The following SNAPC3 variants were observed in gnomAD, a reference collection of about 807,000 sequenced individuals.
SNAPC3 encodes small nuclear RNA activating complex polypeptide 3, also known as snRNA-activating protein complex subunit 3.
In SNAPC3, 56 loss-of-function variants were observed where a neutral mutation model predicts 47.7. The observed-to-expected ratio is 1.18, with a 90% CI of 0.95 to 1.47. SNAPC3 has a LOEUF of 1.47. Among genes scored for constraint, SNAPC3 ranks in the 40% most tolerant of loss-of-function variants. The probability of loss-of-function intolerance (pLI) is 0.00; values close to 1 mark genes in which losing one functional copy is unlikely to be tolerated. For missense variants in SNAPC3, 665 were observed against 511.3 expected, an observed-to-expected ratio of 1.30 and a Z score of -2.90; for synonymous variants, 235 against 189.9, an observed-to-expected ratio of 1.24 and a Z score of -1.95.
rs996164564 is a variant in SNAPC3 at position 15,428,534 on chromosome 9, A to G, written c.392+4548A>G. ...AAAAAAAAAAAAAAAGAGAAAGCCT[A>G]TAAGTCTGTACTCCAAACAGAATTG... On this transcript the variant is annotated intron_variant, in intron 2 of 8. Coordinates refer to ENST00000380821, the MANE Select transcript of SNAPC3 (RefSeq NM_001039697.2). Among the ~76,000 whole-genome samples the G allele has an allele frequency of 1.3e-4, 20 of 151,802 alleles. 1 individual carries two copies. Among genetic ancestry groups the G allele is most frequent in the Middle Eastern group, 3.4e-3 (1 of 294 alleles).
chr9:15,446,285 T>G (rs999349402), intron 4 of SNAPC3, among the ~76,000 whole-genome samples: 2 of 152,172 alleles, frequency 1.3e-5, no homozygotes, highest in African/African-American at 2.4e-5. Flanking sequence ...AGTACAATCA[T>G]GGCTCACTGC....
At chr9:15,453,357 T>A in intron 7 of SNAPC3, 152 bp downstream of exon 7, 1 of 545,398 alleles carries the variant, frequency 1.8e-6, no homozygotes, top group East Asian at 3.0e-5. Context: ...CTTCTTTCCA[T>A]GCAAATACCA....
chr9:15,436,775 A>G (rs1359541639), intron 3 of SNAPC3, among the ~76,000 whole-genome samples: 1 of 151,696 alleles, frequency 6.6e-6, no homozygotes, highest in African/African-American at 2.4e-5. Flanking sequence ...CAATCCATGA[A>G]TGAGATTTCT....
At chr9:15,452,977 CTG>C in intron 6 of SNAPC3, 62 bp from the exon 7 acceptor site, 3 of 1,353,154 alleles carry the variant, frequency 2.2e-6, no homozygotes, top group Non-Finnish European at 2.0e-6. Flanking sequence ...CAATCACAAA[CTG>C]TTTTCTGTAG....
chr9:15,461,713 G>A (rs1237458193), downstream of SNAPC3: 3 of 152,126 alleles, frequency 2.0e-5, no homozygotes, highest in African/African-American at 7.2e-5. Flanking sequence ...AAACCTATAA[G>A]CCTATGTGTT....
At chr9:15,424,105 G>A (rs139932752) in intron 2 of SNAPC3, 119 bp downstream of exon 2, 134 of 492,548 alleles carry the variant, frequency 2.7e-4, no homozygotes, top group African/African-American at 2.4e-3. Flanking sequence ...AAATTCAGCT[G>A]TTCTTAATAT....
intron 2 of SNAPC3, among the ~76,000 whole-genome samples, chr9:15,426,605 A>G (rs1308397321): frequency 1.3e-5 from 2 of 152,208 alleles, no homozygotes; most frequent in African/African-American, 4.8e-5. Flanking sequence ...TGAAAAAAGA[A>G]CGTTGATGAT....
intron 7 of SNAPC3, among the ~76,000 whole-genome samples, chr9:15,455,791 T>C (rs2034739400): frequency 6.6e-6 from 1 of 151,558 alleles, no homozygotes. Flanking sequence ...CTCTGTCTCC[T>C]AGGTTGAAGC....
downstream of SNAPC3, chr9:15,465,835 C>G (rs1480283597): frequency 5.3e-6 from 2 of 379,888 alleles, no homozygotes; most frequent in Non-Finnish European, 9.3e-6. Flanking sequence ...TGTCATGGAC[C>G]AAGCCCTTTC....
downstream of SNAPC3, chr9:15,466,716 A>T: frequency 6.6e-7 from 1 of 1,515,374 alleles, no homozygotes; most frequent in Non-Finnish European, 9.0e-7. Flanking sequence ...ATAATAAAAA[A>T]CACACAAGAC....
rs1346637304 is a variant in SNAPC3 at position 15,422,979 on chromosome 9, C to T, written c.100C>T (p.Leu34Phe). 1.3e-6 allele frequency: 2 copies of T among 1,542,356 alleles called. No individual in the cohort carries two copies. The highest frequency in any genetic ancestry group is 8.7e-7 in the Non-Finnish European group (1 of 1,151,616). The change falls in exon 1 of 9, where the codon CTT (leucine) becomes TTT (phenylalanine). Residue 34 changes from leucine to phenylalanine, a missense_variant. Physicochemically the swap from Leu to Phe is conservative, Grantham distance 22 (BLOSUM62 0). Transcript: ENST00000380821. The part of the protein sequence containing the change: ...SGGCNFPEYE[L>F]PELNTRAFHV... Reference sequence around the variant, plus strand: ...CGGCTGCAACTTTCCAGAGTATGAGCTTCCCGAGCTAAATACGCGCGCTTT... The same window carrying T: ...CGGCTGCAACTTTCCAGAGTATGAGTTTCCCGAGCTAAATACGCGCGCTTT...
chr9:15,445,074 A>ACTC (rs2033819976), intron 4 of SNAPC3, among the ~76,000 whole-genome samples: 2 of 152,204 alleles, frequency 1.3e-5, no homozygotes, highest in African/African-American at 4.8e-5. Context: ...AGCCTAGGAG[A>ACTC]CAGCGTGAGA....
rs1389356135 is a variant in SNAPC3 at position 15,422,968 on chromosome 9, C to T, written c.89C>T (p.Pro30Leu). 1 of 1,542,948 alleles carries T rather than the reference C, an allele frequency of 6.5e-7. No homozygotes were observed. Among genetic ancestry groups the T allele is most frequent in the Non-Finnish European group, 8.7e-7 (1 of 1,150,418 alleles). ...TCCGGCAGTGGCGGCTGCAACTTTCCAGAGTATGAGCTTCCCGAGCTAAAT... is the reference window on the plus strand; with the variant it reads ...TCCGGCAGTGGCGGCTGCAACTTTCTAGAGTATGAGCTTCCCGAGCTAAAT... ...PVSGSGGCNF[P>L]EYELPELNTR... Residue 30 changes from proline (P) to leucine (L), a missense_variant, in exon 1 of 9, where the codon CCA becomes CTA. Transcript: ENST00000380821.
downstream of SNAPC3, chr9:15,464,630 A>G (rs951347663): frequency 5.0e-6 from 1 of 198,202 alleles, no homozygotes; most frequent in East Asian, 7.9e-5. Context: ...TATAAGCATC[A>G]TGATTTTTTC....
At chr9:15,466,133 A>G (rs1243228263), downstream of SNAPC3, among the ~76,000 whole-genome samples, 1 of 150,902 alleles carries the variant, frequency 6.6e-6, no homozygotes, top group African/African-American at 2.5e-5. Context: ...TAATCCCAAC[A>G]CTGGGAAGCC....
At chr9:15,449,572 T>TTC (rs2034235743) in intron 5 of SNAPC3, among the ~76,000 whole-genome samples, 1 of 129,906 alleles carries the variant, frequency 7.7e-6, no homozygotes, top group South Asian at 2.7e-4. Flanking sequence ...TATTTTTTTT[T>TTC]TTTTTTTTTT....
At chr9:15,453,819 C>G (rs971844744) in intron 7 of SNAPC3, among the ~76,000 whole-genome samples, 1 of 152,172 alleles carries the variant, frequency 6.6e-6, no homozygotes, top group Non-Finnish European at 1.5e-5. Flanking sequence ...TGCTCCATTG[C>G]TGGTTTGATT....
At chr9:15,424,799 G>T (rs1207877986) in intron 2 of SNAPC3, among the ~76,000 whole-genome samples, 1 of 152,128 alleles carries the variant, frequency 6.6e-6, no homozygotes, top group Non-Finnish European at 1.5e-5. Flanking sequence ...ATGTTCTGTC[G>T]TTCTTGATCC....
intron 2 of SNAPC3, among the ~76,000 whole-genome samples, chr9:15,432,529 A>G (rs2032296042): frequency 6.6e-6 from 1 of 152,194 alleles, no homozygotes; most frequent in Non-Finnish European, 1.5e-5. Context: ...GGAATATTAA[A>G]AAAATAAAAA....
Sources: allele counts gnomAD v4.1 joint callset (sites outside exome capture counted in the v4.1 genomes callset), GRCh38; gene constraint gnomAD v4.1.1; transcripts MANE v1.5; gene names NCBI Gene and HGNC (gene_info 2026-07-23, HGNC 2026-07-21).